The following SLC9A9 variants were observed in gnomAD, a reference collection of about 807,000 sequenced individuals.
SLC9A9 encodes sodium/hydrogen exchanger 9.
SLC9A9 carries 62 observed loss-of-function variants against 77.8 expected under a neutral mutation model. That is an observed-to-expected ratio of 0.80 (90% confidence interval 0.65 to 0.98). The LOEUF is 0.98. SLC9A9 is among the 50% of genes least tolerant of loss of function. SLC9A9 has a pLI of 0.00. For missense variants in SLC9A9, 775 were observed against 774.9 expected (o/e 1.00, Z 0.00); for synonymous variants, 320 against 283.5 (o/e 1.13, Z -1.29).
chr3:143,374,253 G>A (rs561140674), intron 13 of SLC9A9, among the ~76,000 whole-genome samples: 8 of 151,724 alleles, frequency 5.3e-5, no homozygotes, highest in Non-Finnish European at 8.8e-5. Flanking sequence ...GTGAAACCCC[G>A]TCTGTACTGA....
intron 2 of SLC9A9, among the ~76,000 whole-genome samples, chr3:143,804,102 C>T (rs956718862): frequency 2.6e-5 from 4 of 152,306 alleles, no homozygotes; most frequent in South Asian, 4.1e-4. Context: ...CCCTGGGTAA[C>T]CTTTCACCTT....
intron 9 of SLC9A9, among the ~76,000 whole-genome samples, chr3:143,534,866 T>C (rs1419341408): frequency 6.6e-6 from 1 of 151,502 alleles, no homozygotes; most frequent in African/African-American, 2.4e-5. Context: ...TGGGAAACTA[T>C]ACACCTAACA....
intron 1 of SLC9A9, among the ~76,000 whole-genome samples, chr3:143,832,733 C>T (rs2009468973): frequency 6.7e-6 from 1 of 148,456 alleles, no homozygotes; most frequent in South Asian, 2.1e-4. Flanking sequence ...TTTTTGCTGG[C>T]AGGTTATCTG....
At chr3:143,285,439 G>A (rs1362030011) in intron 14 of SLC9A9, among the ~76,000 whole-genome samples, 2 of 152,190 alleles carry the variant, frequency 1.3e-5, no homozygotes, top group Non-Finnish European at 2.9e-5. Flanking sequence ...GGCATGGGGA[G>A]GCAAAGGAGC....
chr3:143,838,536 A>G (rs903112738), intron 1 of SLC9A9, among the ~76,000 whole-genome samples: 8 of 152,152 alleles, frequency 5.3e-5, no homozygotes, highest in Non-Finnish European at 1.0e-4. Context: ...AATTATTTGA[A>G]GACAGAAAAG....
At chr3:143,754,176 A>T (rs1483482066) in intron 4 of SLC9A9, among the ~76,000 whole-genome samples, 1 of 152,208 alleles carries the variant, frequency 6.6e-6, no homozygotes, top group Non-Finnish European at 1.5e-5. Context: ...GGGAGAAGTG[A>T]GATAAGAGGG....
At chr3:143,368,701 A>T (rs1252993826) in intron 13 of SLC9A9, among the ~76,000 whole-genome samples, 2 of 152,202 alleles carry the variant, frequency 1.3e-5, no homozygotes, top group East Asian at 3.8e-4. Context: ...AGAATTTGCT[A>T]TCAATACGTT....
chr3:143,466,957 T>C, intron 12 of SLC9A9, 80 bp downstream of exon 12: 3 of 1,539,178 alleles, frequency 1.9e-6, no homozygotes, highest in Non-Finnish European at 2.7e-6. Flanking sequence ...ACTGTACTAT[T>C]GACTAAGTCA....
intron 4 of SLC9A9, among the ~76,000 whole-genome samples, chr3:143,711,510 C>T (rs542834322): frequency 1.3e-5 from 2 of 151,870 alleles, no homozygotes; most frequent in Admixed American, 6.6e-5. Context: ...AGGTCTCCTG[C>T]TGTCTTAGCC....
At chr3:143,484,588 G>T (rs937673439) in intron 11 of SLC9A9, among the ~76,000 whole-genome samples, 1 of 152,170 alleles carries the variant, frequency 6.6e-6, no homozygotes, top group African/African-American at 2.4e-5. Flanking sequence ...GGCTGGGAGC[G>T]GGTGTTGTCC....
At chr3:143,599,292 GT>G (rs1381254030) in intron 6 of SLC9A9, among the ~76,000 whole-genome samples, 4 of 152,234 alleles carry the variant, frequency 2.6e-5, no homozygotes, top group East Asian at 1.9e-4. Context: ...CTATTTTGTT[GT>G]TACTAAGAGC....
intron 2 of SLC9A9, among the ~76,000 whole-genome samples, chr3:143,822,515 G>A (rs1287243287): frequency 6.6e-6 from 1 of 152,178 alleles, no homozygotes; most frequent in Non-Finnish European, 1.5e-5. Flanking sequence ...GAGACAACCA[G>A]CTGAATGTGC....
At chr3:143,404,050 T>C (rs1169493563) in intron 12 of SLC9A9, among the ~76,000 whole-genome samples, 3 of 152,206 alleles carry the variant, frequency 2.0e-5, no homozygotes. Context: ...TAATGATGTA[T>C]CATCAAGTTC....
intron 14 of SLC9A9, among the ~76,000 whole-genome samples, chr3:143,303,400 A>G (rs1205309804): frequency 6.8e-6 from 1 of 146,436 alleles, no homozygotes; most frequent in African/African-American, 2.5e-5. Context: ...GGAAGGAGGG[A>G]AGGAGGCAAG....
intron 12 of SLC9A9, among the ~76,000 whole-genome samples, chr3:143,431,790 TCTTA>T (rs1305274153): frequency 1.3e-5 from 2 of 151,932 alleles, no homozygotes; most frequent in Non-Finnish European, 2.9e-5. Context: ...TTCCCACCCC[TCTTA>T]CTTCTCTAAA....
intron 9 of SLC9A9, chr3:143,503,330 TG>T: frequency 3.3e-6 from 1 of 302,614 alleles, no homozygotes; most frequent in Non-Finnish European, 6.5e-6. Flanking sequence ...GCCAAATTCA[TG>T]GTCATATCAG....
intron 4 of SLC9A9, among the ~76,000 whole-genome samples, chr3:143,729,571 A>G (rs1934749697): frequency 6.6e-6 from 1 of 152,114 alleles, no homozygotes; most frequent in South Asian, 2.1e-4. Flanking sequence ...TTCTGGGCAT[A>G]CAGGAGACAA....
intron 5 of SLC9A9, among the ~76,000 whole-genome samples, chr3:143,684,699 C>A (rs912590006): frequency 6.6e-6 from 1 of 151,932 alleles, no homozygotes; most frequent in Admixed American, 6.6e-5. Context: ...CCACTGTCCC[C>A]AAGTCAGAGG....
At chr3:143,456,976 G>A (rs1323741752) in intron 12 of SLC9A9, among the ~76,000 whole-genome samples, 1 of 152,116 alleles carries the variant, frequency 6.6e-6, no homozygotes, top group African/African-American at 2.4e-5. Flanking sequence ...GAACATATGT[G>A]CAGAGAAAAT....
Sources: allele counts gnomAD v4.1 joint callset (sites outside exome capture counted in the v4.1 genomes callset), GRCh38; gene constraint gnomAD v4.1.1; transcripts MANE v1.5; gene names NCBI Gene and HGNC (gene_info 2026-07-23, HGNC 2026-07-21).